Variants in SACM1L observed in about 807,000 individuals in gnomAD.
SACM1L encodes phosphatidylinositol-3-phosphatase SAC1.
A neutral mutation model predicts 89.5 loss-of-function variants in SACM1L; 32 were observed. That is an observed-to-expected ratio of 0.36 (90% CI 0.27 to 0.48). The LOEUF is 0.48. SACM1L is among the 20% of genes least tolerant of loss of function. The pLI is 0.99. For synonymous variants in SACM1L, 213 were observed against 232.8 expected (o/e 0.92, Z 0.77); for missense variants, 543 against 708.5 (o/e 0.77, Z 2.65).
At chr3:45,723,187 A>C (rs564537176) in intron 10 of SACM1L, among the ~76,000 whole-genome samples, 157 of 152,302 alleles carry the variant, frequency 1.0e-3, no homozygotes, top group African/African-American at 3.6e-3. Context: ...AGGATTTGAG[A>C]GATCTCAGTA....
intron 6 of SACM1L, 78 bp from the exon 7 acceptor site, chr3:45,713,968 C>T (rs969147363): frequency 1.4e-6 from 1 of 718,252 alleles, no homozygotes; most frequent in Non-Finnish European, 2.2e-6. Context: ...TATATTACCT[C>T]CCTATGTGTA....
chr3:45,726,370 G>A (rs981657083), intron 11 of SACM1L, among the ~76,000 whole-genome samples: 14 of 149,990 alleles, frequency 9.3e-5, no homozygotes, highest in Admixed American at 2.0e-4. Context: ...TTTTCTGTTC[G>A]TTTTCATTAC....
In SACM1L at chr3:45,732,034, A is replaced by G. The variant is rs1028322121; in HGVS notation, c.1002-19A>G. Reference sequence around the variant, plus strand: ...TGAATGATCTCTGGTCGGTTTCTGAATATCTTTTCTTTTGGTAGATACATT... The same window carrying G: ...TGAATGATCTCTGGTCGGTTTCTGAGTATCTTTTCTTTTGGTAGATACATT... On this transcript the variant is annotated intron_variant, in intron 12 of 19. Coordinates refer to ENST00000389061, the MANE Select transcript of SACM1L (RefSeq NM_014016.5). 2.1e-6 allele frequency: 3 copies of G among 1,451,302 alleles called. No homozygotes were observed. The African/African-American group carries it at 4.3e-5, about 21-fold the overall frequency. The allele number at this position is 1,451,302 out of a possible 1,614,324, so 89.9% of individuals were successfully genotyped here. A position where few individuals can be genotyped will look rare whatever the true frequency, so the allele number is the denominator to read the frequency against.
intron 19 of SACM1L, among the ~76,000 whole-genome samples, chr3:45,740,908 A>G (rs927408771): frequency 1.3e-5 from 2 of 152,248 alleles, no homozygotes; most frequent in Non-Finnish European, 2.9e-5. Flanking sequence ...AAAGGTTGAG[A>G]GTAAAATTGC....
intron 16 of SACM1L, 96 bp from the exon 17 acceptor site, chr3:45,738,482 A>G (rs1223280772): frequency 1.5e-6 from 1 of 680,270 alleles, no homozygotes; most frequent in African/African-American, 1.8e-5. Context: ...AAAATCTGTC[A>G]CTCACTTATT....
At chr3:45,739,954 G>A (rs1313163655) in intron 19 of SACM1L, 1 of 373,232 alleles carries the variant, frequency 2.7e-6, no homozygotes, top group Non-Finnish European at 4.9e-6. Context: ...GACCTGCCCA[G>A]GAAAAAGAGA....
intron 5 of SACM1L, among the ~76,000 whole-genome samples, chr3:45,712,009 T>C (rs1181788358): frequency 6.6e-6 from 1 of 152,236 alleles, no homozygotes; most frequent in Non-Finnish European, 1.5e-5. Context: ...AGTGTGTTTT[T>C]CATCTTATTT....
intron 9 of SACM1L, 145 bp from the exon 10 acceptor site, chr3:45,722,724 A>T: frequency 1.8e-6 from 1 of 556,588 alleles, no homozygotes; most frequent in African/African-American, 1.9e-5. Context: ...TTAGGAGCAG[A>T]TACACGTGGA....
At chr3:45,713,236 C>T in intron 6 of SACM1L, 40 bp downstream of exon 6, 1 of 1,502,568 alleles carries the variant, frequency 6.7e-7, no homozygotes, top group Non-Finnish European at 9.1e-7. Flanking sequence ...TTGTTACAGT[C>T]CAAGCTTTAA....
At position 45,713,187 on chromosome 3, in the gene SACM1L, A is replaced by G. The variant is rs1698566467; in HGVS notation, c.534A>G (p.Ala178=). 3 of 1,611,994 alleles carry G rather than the reference A, an allele frequency of 1.9e-6. No homozygotes were observed. The highest frequency in any genetic ancestry group is 4.5e-5 in the East Asian group (2 of 44,838). ...GTCATCTTCTAAGAGAACTTTCTGC[A>G]CAGCCAGAGGTAATGTACACGAAAT... ...WNGHLLRELS[A]QPEVHRFALP... Residue 178 remains alanine, a synonymous_variant, in exon 6 of 20, where the codon GCA becomes GCG. Transcript: ENST00000389061.
At chr3:45,739,030 C>G (rs539522690) in intron 18 of SACM1L, among the ~76,000 whole-genome samples, 157 bp downstream of exon 18, 1 of 152,110 alleles carries the variant, frequency 6.6e-6, no homozygotes, top group Non-Finnish European at 1.5e-5. Context: ...CTGAGGAGTA[C>G]AGTAACTGTG....
chr3:45,696,391 C>T (rs549260055), intron 1 of SACM1L, among the ~76,000 whole-genome samples: 21 of 152,170 alleles, frequency 1.4e-4, no homozygotes, highest in Non-Finnish European at 2.9e-4. Context: ...GTGGCTTCCA[C>T]CTTTTTGGCT....
chr3:45,711,208 TTGA>T (rs1698520419), intron 5 of SACM1L, among the ~76,000 whole-genome samples: 1 of 152,102 alleles, frequency 6.6e-6, no homozygotes, highest in Non-Finnish European at 1.5e-5. Flanking sequence ...GAGCTGAGAC[TTGA>T]TGAAGATTTG....
At position 45,731,327 on chromosome 3, in the gene SACM1L, A is replaced by G. The variant is rs1032694134; in HGVS notation, c.948A>G (p.Pro316=). ...NLINQKGSEK[P]LEQTFATMVS... is the part of the protein sequence containing the mutation. Reference sequence around the variant, plus strand: ...TTAACCAGAAGGGCTCGGAGAAGCCACTTGAGCAGACATTTGCAACAATGG... The same window carrying G: ...TTAACCAGAAGGGCTCGGAGAAGCCGCTTGAGCAGACATTTGCAACAATGG... The change falls in exon 12 of 20, where the codon CCA becomes CCG. Residue 316 remains proline (P), a synonymous_variant. Transcript: ENST00000389061. 6.2e-7 allele frequency: 1 copy of G among 1,613,486 alleles called. No individual in the cohort carries two copies.
intron 13 of SACM1L, among the ~76,000 whole-genome samples, chr3:45,734,145 G>T (rs1699142197): frequency 7.5e-6 from 1 of 132,622 alleles, no homozygotes; most frequent in East Asian, 2.0e-4. Context: ...GGGGGCTGTG[G>T]CTCACGCCTG....
At chr3:45,698,682 C>T (rs1698187535) in intron 1 of SACM1L, among the ~76,000 whole-genome samples, 2 of 152,320 alleles carry the variant, frequency 1.3e-5, no homozygotes, top group South Asian at 4.1e-4. Flanking sequence ...TCCTGAGTAG[C>T]TGGGATTACA....
intron 12 of SACM1L, 70 bp from the exon 13 acceptor site, chr3:45,731,983 T>C (rs928266464): frequency 1.2e-5 from 11 of 883,024 alleles, no homozygotes; most frequent in African/African-American, 3.4e-5. Flanking sequence ...AATCAGCTTA[T>C]GAAGGTATTA....
chr3:45,696,164 CT>C (rs1698121821), intron 1 of SACM1L, among the ~76,000 whole-genome samples: 1 of 151,868 alleles, frequency 6.6e-6, no homozygotes, highest in Non-Finnish European at 1.5e-5. Context: ...CGCCCAGCTA[CT>C]GTTTTGTATT....
At chr3:45,723,038 T>C in intron 10 of SACM1L, 83 bp downstream of exon 10, 1 of 1,149,280 alleles carries the variant, frequency 8.7e-7, no homozygotes. Flanking sequence ...ATGTATTTAT[T>C]CCGCATAAAT....
Sources: gnomAD v4.1 joint callset for allele counts (sites outside exome capture counted in the v4.1 genomes callset) on GRCh38, gnomAD v4.1.1 for gene constraint, MANE v1.5 for transcripts, NCBI Gene and HGNC (gene_info 2026-07-23, HGNC 2026-07-21) for gene names.